TPP2: variants seen among roughly 807,000 people sequenced by gnomAD.
The protein encoded by TPP2 is tripeptidyl-peptidase 2.
A neutral mutation model predicts 155.9 loss-of-function variants in TPP2; 34 were observed. That is an observed-to-expected ratio of 0.22 (90% confidence interval 0.17 to 0.29). The LOEUF is 0.29. TPP2 is among the 10% of genes least tolerant of loss of function. The pLI is 1.00. For missense variants in TPP2, 1,028 were observed against 1,522.3 expected (o/e 0.68, Z 5.40); for synonymous variants, 510 against 529.4 (o/e 0.96, Z 0.50).
intron 25 of TPP2, among the ~76,000 whole-genome samples, chr13:102,660,643 A>G (rs1429724310): frequency 3.3e-5 from 5 of 152,236 alleles, no homozygotes; most frequent in African/African-American, 9.6e-5. Flanking sequence ...TAAAAGTCAT[A>G]TGTGATTCCC....
In TPP2 at chr13:102,679,056, T is replaced by G. The variant is rs1278533195; in HGVS notation, c.*740T>G. The G allele has an allele frequency of 6.6e-6, 1 of 152,554 alleles. No individual in the cohort carries two copies. Among genetic ancestry groups the G allele is most frequent in the Non-Finnish European group, 1.5e-5 (1 of 68,014 alleles). The allele number at this position is 152,554 out of a possible 1,614,324, so 9.5% of individuals were successfully genotyped here. ...ACACATATGATATGTTTATTAAAATTGAAATAATGTAAAACACATGAATAA... is the reference window on the plus strand; with the variant it reads ...ACACATATGATATGTTTATTAAAATGGAAATAATGTAAAACACATGAATAA... On this transcript the variant is annotated 3_prime_UTR_variant, in exon 30 of 30. Transcript: ENST00000376052.
intron 27 of TPP2, 60 bp from the exon 28 acceptor site, chr13:102,674,223 A>C (rs534133236): frequency 6.7e-7 from 1 of 1,502,032 alleles, no homozygotes; most frequent in East Asian, 2.4e-5. Context: ...AATTCAGATA[A>C]GAATTTACTT....
At chr13:102,669,561 G>A (rs1213919998) in intron 27 of TPP2, among the ~76,000 whole-genome samples, 2 of 152,144 alleles carry the variant, frequency 1.3e-5, no homozygotes, top group African/African-American at 4.8e-5. Context: ...CCAAATTTAG[G>A]GATGTGTGTA....
intron 19 of TPP2, among the ~76,000 whole-genome samples, chr13:102,645,557 T>A (rs1335664382): frequency 6.6e-6 from 1 of 152,194 alleles, no homozygotes; most frequent in African/African-American, 2.4e-5. Context: ...AATAACCAAT[T>A]AGGGACAATA....
chr13:102,614,451 A>G (rs1998956), intron 3 of TPP2, among the ~76,000 whole-genome samples: 75,545 of 152,004 alleles, frequency 0.5, 19,142 homozygotes, highest in African/African-American at 0.6. Flanking sequence ...TTATATTCAG[A>G]TTTTTGTGTT....
intron 11 of TPP2, 144 bp downstream of exon 11, chr13:102,634,242 T>A (rs1438396423): frequency 8.7e-7 from 1 of 1,146,100 alleles, no homozygotes; most frequent in Admixed American, 2.5e-5. Flanking sequence ...TATGTGATAA[T>A]GATAATTTGA....
At position 102,645,004 on chromosome 13, in the gene TPP2, A is replaced by C. The variant is rs753411331; in HGVS notation, c.2388A>C (p.Thr796=). The change falls in exon 19 of 30, where the codon ACA becomes ACC. Residue 796 remains threonine (T), a synonymous_variant. Transcript: ENST00000376052. ...PCITLKNWVQ[T]LRPVSAKTKP... Reference sequence around the variant, plus strand: ...TAACTTTGAAGAACTGGGTCCAAACACTGCGGTATCATTCAATGTTTTAGG... The same window carrying C: ...TAACTTTGAAGAACTGGGTCCAAACCCTGCGGTATCATTCAATGTTTTAGG... 1.2e-6 allele frequency: 2 copies of C among 1,613,356 alleles called. No homozygotes were observed. Among genetic ancestry groups the C allele is most frequent in the African/African-American group, 2.7e-5 (2 of 74,884 alleles).
intron 29 of TPP2, among the ~76,000 whole-genome samples, chr13:102,678,024 G>T (rs36006133): frequency 6.6e-6 from 1 of 152,084 alleles, no homozygotes. Flanking sequence ...GAGAACAATA[G>T]GTTGGTTGGT....
At chr13:102,663,538 A>T in intron 25 of TPP2, 110 bp from the exon 26 acceptor site, 2 of 691,338 alleles carry the variant, frequency 2.9e-6, no homozygotes, top group Non-Finnish European at 4.5e-6. Context: ...ATTTCAAATT[A>T]ATGTCTTATT....
intron 15 of TPP2, 76 bp downstream of exon 15, chr13:102,638,391 T>A: frequency 7.1e-7 from 1 of 1,407,886 alleles, no homozygotes; most frequent in Non-Finnish European, 1.0e-6. Context: ...TGTGGACTTT[T>A]AATGATCACT....
At chr13:102,669,744 C>T (rs187154185) in intron 27 of TPP2, among the ~76,000 whole-genome samples, 8 of 149,040 alleles carry the variant, frequency 5.4e-5, no homozygotes, top group Admixed American at 1.3e-4. Context: ...AACATTGATG[C>T]GAATGGGTGG....
chr13:102,661,352 G>A (rs1451664547), intron 25 of TPP2, among the ~76,000 whole-genome samples: 2 of 148,640 alleles, frequency 1.3e-5, no homozygotes, highest in African/African-American at 5.0e-5. Flanking sequence ...CTGGGCTCAA[G>A]GGATCTTCCC....
intron 25 of TPP2, among the ~76,000 whole-genome samples, chr13:102,659,997 A>G (rs1225181294): frequency 2.8e-5 from 4 of 141,754 alleles, no homozygotes; most frequent in Non-Finnish European, 6.5e-5. Flanking sequence ...AGTAATTATT[A>G]TAACAGTTAA....
At chr13:102,632,673 A>G (rs146673761) in intron 10 of TPP2, among the ~76,000 whole-genome samples, 5 of 152,332 alleles carry the variant, frequency 3.3e-5, no homozygotes, top group East Asian at 3.9e-4. Context: ...ATTTTTTCCA[A>G]TGCTATCAAA....
Position 102,604,075 on chromosome 13 carries a change from G to A in TPP2, c.166-718G>A, listed in dbSNP as rs557439247. On this transcript the variant is annotated intron_variant, in intron 1 of 29. Coordinates refer to ENST00000376052, the MANE Select transcript of TPP2 (RefSeq NM_001330588.2). ...TCCAGTGTGAACAGCTGGGCGTGGG[G>A]ATTCCTGGGATGGCAAAGCCTGGAG... 3.3e-5 allele frequency among the ~76,000 whole-genome samples: 5 copies of A among 152,278 alleles called. No homozygotes were observed. In the South Asian group the frequency reaches 1.0e-3, roughly 32 times the overall value.
intron 9 of TPP2, 29 bp downstream of exon 9, chr13:102,629,638 G>A (rs769721434): frequency 1.9e-6 from 3 of 1,546,728 alleles, no homozygotes; most frequent in African/African-American, 2.8e-5. Context: ...AAATAGATTT[G>A]TTTAGAAACA....
intron 5 of TPP2, among the ~76,000 whole-genome samples, chr13:102,622,607 T>C (rs534412891): frequency 6.6e-6 from 1 of 152,356 alleles, no homozygotes; most frequent in African/African-American, 2.4e-5. Context: ...CTGTAATTCT[T>C]AAGAGTCCAG....
intron 8 of TPP2, among the ~76,000 whole-genome samples, chr13:102,628,646 C>T (rs1033135467): frequency 1.3e-5 from 2 of 152,060 alleles, no homozygotes; most frequent in Non-Finnish European, 2.9e-5. Context: ...ATAGTAGTAG[C>T]TATTTGAAAT....
rs367722806 is a variant in TPP2 at position 102,647,376 on chromosome 13, C to T, written c.2628+32C>T. 3.9e-5 allele frequency: 62 copies of T among 1,597,832 alleles called. No homozygotes were observed. In the Middle Eastern group the frequency reaches 8.3e-4, roughly 21 times the overall value. On this transcript the variant is annotated intron_variant, in intron 21 of 29. Coordinates refer to ENST00000376052, the MANE Select transcript of TPP2 (RefSeq NM_001330588.2). Reference sequence around the variant, plus strand: ...AATTGATGGTGATTTTTAGAATTAACGGAAGCTGTTTCCTGAACTAACAAA... The same window carrying T: ...AATTGATGGTGATTTTTAGAATTAATGGAAGCTGTTTCCTGAACTAACAAA...
Sources: allele counts gnomAD v4.1 joint callset (sites outside exome capture counted in the v4.1 genomes callset), GRCh38; gene constraint gnomAD v4.1.1; transcripts MANE v1.5; gene names NCBI Gene and HGNC (gene_info 2026-07-23, HGNC 2026-07-21).